PTPRF: variants seen among roughly 807,000 people sequenced by gnomAD.
PTPRF encodes the protein protein tyrosine phosphatase receptor type F, also known as receptor-type tyrosine-protein phosphatase F.
In PTPRF, 59 loss-of-function variants were observed where a neutral mutation model predicts 201.8. The ratio of observed to expected loss-of-function variants is 0.29; its 90% CI spans 0.24 to 0.36. PTPRF has a LOEUF of 0.36. Among genes scored for constraint, PTPRF ranks in the 10% least tolerant of loss-of-function variants. The pLI is 1.00. For synonymous variants in PTPRF, 1,088 were observed against 1,089.7 expected, an observed-to-expected ratio of 1.00 and a Z score of 0.03; for missense variants, 2,132 against 2,690.5, an observed-to-expected ratio of 0.79 and a Z score of 4.59.
At chr1:43,567,240 C>T (rs1444076572) in intron 5 of PTPRF, among the ~76,000 whole-genome samples, 3 of 152,120 alleles carry the variant, frequency 2.0e-5, no homozygotes, top group African/African-American at 7.2e-5. Flanking sequence ...GAGCCCTGCA[C>T]CTCTGGTCCC....
Position 43,621,997 on chromosome 1 carries a change from A to G in PTPRF, c.5718A>G (p.Ala1906=). The G allele has an allele frequency of 6.2e-7, 1 of 1,614,036 alleles. No individual in the cohort carries two copies. Among genetic ancestry groups the G allele is most frequent in the African/African-American group, 1.3e-5 (1 of 75,044 alleles). Residue 1906 remains alanine (A), a synonymous_variant, in exon 34 of 34, where the codon GCA becomes GCG. Coordinates refer to ENST00000359947, the MANE Select transcript of PTPRF (RefSeq NM_002840.5). The part of the protein sequence containing the change: ...LEYLGSFDHY[A]T ...ACCTCGGCAGCTTTGACCACTATGCAACGTAACTACCGCTCCCCTCTCCTC... is the reference window on the plus strand; with the variant it reads ...ACCTCGGCAGCTTTGACCACTATGCGACGTAACTACCGCTCCCCTCTCCTC...
chr1:43,563,039 G>A (rs1473992266), intron 5 of PTPRF, among the ~76,000 whole-genome samples: 1 of 151,944 alleles, frequency 6.6e-6, no homozygotes, highest in Non-Finnish European at 1.5e-5. Flanking sequence ...TTAGCTGGGT[G>A]TGGTGGCAGG....
chr1:43,528,084 A>T (rs919967777), upstream of PTPRF, among the ~76,000 whole-genome samples: 19 of 152,244 alleles, frequency 1.2e-4, no homozygotes, highest in Admixed American at 6.5e-4. Context: ...ATAGGCACAG[A>T]TACAAACAGT....
intron 22 of PTPRF, among the ~76,000 whole-genome samples, chr1:43,611,655 T>C (rs1656481407): frequency 6.6e-6 from 1 of 152,074 alleles, no homozygotes; most frequent in Non-Finnish European, 1.5e-5. Context: ...TTGAGGAGAC[T>C]GGATTAGAGA....
chr1:43,618,027 C>G, intron 25 of PTPRF, 116 bp downstream of exon 25: 1 of 1,122,454 alleles, frequency 8.9e-7, no homozygotes, highest in East Asian at 2.6e-5. Flanking sequence ...AAGTGATCCC[C>G]AGATGCTATT....
At chr1:43,619,620 A>T (rs780649148) in intron 28 of PTPRF, 47 bp downstream of exon 28, 1 of 1,610,668 alleles carries the variant, frequency 6.2e-7, no homozygotes, top group Admixed American at 1.7e-5. Flanking sequence ...AGACTGGGTC[A>T]TGCAGATGAC....
chr1:43,589,335 G>A (rs1293474391), intron 8 of PTPRF, among the ~76,000 whole-genome samples: 1 of 152,078 alleles, frequency 6.6e-6, no homozygotes, highest in Non-Finnish European at 1.5e-5. Context: ...GGCACAGAGA[G>A]GGTGTATCAC....
chr1:43,607,360 C>G (rs1017016972), intron 21 of PTPRF, among the ~76,000 whole-genome samples: 2 of 152,378 alleles, frequency 1.3e-5, no homozygotes, highest in East Asian at 3.9e-4. Flanking sequence ...GATGATTCCC[C>G]AGCCCTACTC....
At chr1:43,555,824 A>G (rs2153974747) in intron 5 of PTPRF, among the ~76,000 whole-genome samples, 1 of 152,244 alleles carries the variant, frequency 6.6e-6, no homozygotes, top group East Asian at 1.9e-4. Context: ...TTATTGTTGG[A>G]CACATATGTT....
intron 1 of PTPRF, among the ~76,000 whole-genome samples, chr1:43,531,919 C>T (rs1354320380): frequency 6.6e-6 from 1 of 152,212 alleles, no homozygotes; most frequent in East Asian, 1.9e-4. Context: ...CTCTGCCTCC[C>T]CGTGTCAGTG....
intron 1 of PTPRF, among the ~76,000 whole-genome samples, chr1:43,531,497 G>T (rs1643506677): frequency 6.9e-6 from 1 of 145,418 alleles, no homozygotes; most frequent in South Asian, 2.1e-4. Flanking sequence ...CTCCGGGGGC[G>T]GCCCTCAGAC....
chr1:43,595,674 G>T (rs1652078860), intron 11 of PTPRF, among the ~76,000 whole-genome samples: 1 of 152,202 alleles, frequency 6.6e-6, no homozygotes, highest in Non-Finnish European at 1.5e-5. Context: ...AGAGAGCTTA[G>T]CCTTGGACAG....
rs750324613 is a variant in PTPRF, at chr1:43,588,819, G to C, written c.768G>C (p.Val256=). 1.2e-6 allele frequency: 2 copies of C among 1,614,096 alleles called. No homozygotes were observed. The highest frequency in any genetic ancestry group is 3.3e-5 in the Admixed American group (2 of 60,024). Residue 256 remains valine (V), a synonymous_variant, in exon 8 of 34, where the codon GTG becomes GTC. Coordinates refer to ENST00000359947, the MANE Select transcript of PTPRF (RefSeq NM_002840.5). This position sits in a 1 kb window ranked among gnomAD's most constrained non-coding sequence, Gnocchi z 5.3. ...GGSVNLTCVA[V]GAPMPYVKWM... ...GCGTGAACCTGACATGCGTGGCAGT[G>C]GGTGCACCCATGCCCTACGTGAAGT...
At chr1:43,587,259 C>A (rs1649396775) in intron 7 of PTPRF, among the ~76,000 whole-genome samples, 1 of 152,114 alleles carries the variant, frequency 6.6e-6, no homozygotes, top group Non-Finnish European at 1.5e-5. Flanking sequence ...GGCCCGTGAG[C>A]AGGAATTGGG....
upstream of PTPRF, among the ~76,000 whole-genome samples, chr1:43,522,443 C>T (rs991790222): frequency 6.6e-6 from 1 of 152,174 alleles, no homozygotes; most frequent in African/African-American, 2.4e-5. Flanking sequence ...CAATAGCTAA[C>T]ATTTACTGGG....
intron 3 of PTPRF, among the ~76,000 whole-genome samples, chr1:43,550,256 G>T (rs1433429080): frequency 1.1e-4 from 16 of 152,330 alleles, no homozygotes; most frequent in African/African-American, 3.6e-4. Context: ...GCCTCCCACG[G>T]CTCTTGGGCC....
At chr1:43,597,087 C>G (rs548295223) in intron 11 of PTPRF, among the ~76,000 whole-genome samples, 17 of 151,218 alleles carry the variant, frequency 1.1e-4, no homozygotes, top group Non-Finnish European at 2.2e-4. Context: ...CCATGAGAGA[C>G]TGTGTATTTA....
intron 7 of PTPRF, among the ~76,000 whole-genome samples, chr1:43,581,111 T>C (rs1286935496): frequency 1.3e-5 from 2 of 152,188 alleles, no homozygotes; most frequent in African/African-American, 4.8e-5. Context: ...CCCAGGGAGC[T>C]CTTATGTGCA....
intron 22 of PTPRF, among the ~76,000 whole-genome samples, chr1:43,610,146 C>T (rs1656104212): frequency 6.6e-6 from 1 of 152,192 alleles, no homozygotes; most frequent in South Asian, 2.1e-4. Context: ...TTTGACGCCT[C>T]TCACAGTGAG....
Sources: gnomAD v4.1 joint callset for allele counts (sites outside exome capture counted in the v4.1 genomes callset) on GRCh38, gnomAD v4.1.1 for gene constraint, Gnocchi (gnomAD v3.1) non-coding constraint, MANE v1.5 for transcripts, NCBI Gene and HGNC (gene_info 2026-07-23, HGNC 2026-07-21) for gene names.